Variants in WASF3 observed in about 807,000 individuals in gnomAD.
WASF3 encodes the protein WASP family member 3.
A neutral mutation model predicts 46.6 loss-of-function variants in WASF3; 11 were observed. The ratio of observed to expected loss-of-function variants is 0.24; its 90% CI spans 0.15 to 0.39. The LOEUF (loss-of-function observed/expected upper bound fraction) is 0.39. Ranked by LOEUF, WASF3 falls within the 10% of genes least tolerant of loss-of-function variation. WASF3 has a pLI of 1.00. For missense variants in WASF3, 576 were observed against 669.8 expected (o/e 0.86, Z 1.55); for synonymous variants, 242 against 259.7 (o/e 0.93, Z 0.65).
intron 3 of WASF3, among the ~76,000 whole-genome samples, chr13:26,661,627 A>G (rs917630940): frequency 1.3e-5 from 2 of 152,172 alleles, no homozygotes; most frequent in Non-Finnish European, 2.9e-5. Context: ...CTTTACGGGT[A>G]TATACTCAAG....
At chr13:26,578,826 TATCATTTAA>T (rs1879880555) in intron 1 of WASF3, among the ~76,000 whole-genome samples, 1 of 152,108 alleles carries the variant, frequency 6.6e-6, no homozygotes, top group Admixed American at 6.5e-5. Flanking sequence ...TTGTTCTTGA[TATCATTTAA>T]CATCTTTTCT....
At chr13:26,584,409 G>A (rs555249317) in intron 1 of WASF3, among the ~76,000 whole-genome samples, 1 of 152,326 alleles carries the variant, frequency 6.6e-6, no homozygotes, top group Non-Finnish European at 1.5e-5. Flanking sequence ...CCAGTGCTAT[G>A]CAGTGAACAC....
chr13:26,685,612 A>G, intron 9 of WASF3, 76 bp from the exon 10 acceptor site: 1 of 1,564,168 alleles, frequency 6.4e-7, no homozygotes, highest in Non-Finnish European at 8.7e-7. Context: ...AAAGTCCAAT[A>G]GACATATTTG....
chr13:26,661,585 G>A (rs1882632160), intron 3 of WASF3, among the ~76,000 whole-genome samples: 1 of 152,162 alleles, frequency 6.6e-6, no homozygotes, highest in South Asian at 2.1e-4. Flanking sequence ...ACATAGGTAT[G>A]CAAATGTCTC....
At chr13:26,658,999 T>C (rs1012623939) in intron 3 of WASF3, among the ~76,000 whole-genome samples, 3 of 152,378 alleles carry the variant, frequency 2.0e-5, no homozygotes, top group South Asian at 4.1e-4. Flanking sequence ...CTTGTCTTTG[T>C]GGATCATATG....
At chr13:26,581,042 C>G (rs1213334409) in intron 1 of WASF3, among the ~76,000 whole-genome samples, 1 of 150,114 alleles carries the variant, frequency 6.7e-6, no homozygotes, top group African/African-American at 2.5e-5. Context: ...TTGATCCCCC[C>G]ACCTCAGCCT....
intron 1 of WASF3, among the ~76,000 whole-genome samples, chr13:26,580,852 C>T (rs368647393): frequency 2.8e-4 from 42 of 151,424 alleles, no homozygotes; most frequent in African/African-American, 7.0e-4. Context: ...CTCGAGCTCC[C>T]GACCTCAGGT....
intron 2 of WASF3, among the ~76,000 whole-genome samples, chr13:26,613,672 A>G (rs1039166248): frequency 6.6e-6 from 1 of 152,158 alleles, no homozygotes; most frequent in Non-Finnish European, 1.5e-5. Context: ...TGGGAGGCTG[A>G]GGCCCGAGAA....
At chr13:26,653,838 G>C (rs1173361016) in intron 3 of WASF3, among the ~76,000 whole-genome samples, 1 of 152,114 alleles carries the variant, frequency 6.6e-6, no homozygotes, top group African/African-American at 2.4e-5. Flanking sequence ...TGTCCACTCG[G>C]TGTCTTCACT....
upstream of WASF3, among the ~76,000 whole-genome samples, chr13:26,554,103 C>CT (rs1277899521): frequency 2.7e-5 from 3 of 110,036 alleles, no homozygotes; most frequent in Non-Finnish European, 5.3e-5. Context: ...TTCCTTCTTT[C>CT]TTTCTTTCTT....
At chr13:26,559,759 C>G (rs542156020) in intron 1 of WASF3, among the ~76,000 whole-genome samples, 1 of 146,414 alleles carries the variant, frequency 6.8e-6, no homozygotes, top group African/African-American at 2.5e-5. Context: ...CTCTCCATTG[C>G]TGTAGACCTT....
chr13:26,546,954 C>T, the WASF3 span, among the ~76,000 whole-genome samples: 1 of 152,132 alleles, frequency 6.6e-6, no homozygotes, highest in Non-Finnish European at 1.5e-5. Context: ...CAGATCTCCC[C>T]AGATCTCTAC....
chr13:26,642,423 A>G lies in WASF3; in HGVS notation c.133+20A>G, dbSNP rs370547480. ...GTCTGAGTAAGCCATCTTTTTTCTG[A>G]TTACCAATGACATTAACTTTTTGTT... On this transcript the variant is annotated intron_variant, in intron 3 of 9. Coordinates refer to ENST00000335327, the MANE Select transcript of WASF3 (RefSeq NM_006646.6). 21 of 1,569,698 alleles carry G rather than the reference A, an allele frequency of 1.3e-5. No individual in the cohort carries two copies. In the African/African-American group the frequency reaches 2.8e-4, roughly 21 times the overall value.
At chr13:26,590,177 C>T (rs1433569128) in intron 1 of WASF3, among the ~76,000 whole-genome samples, 7 of 152,122 alleles carry the variant, frequency 4.6e-5, no homozygotes, top group Admixed American at 2.6e-4. Context: ...CATTTCCCAT[C>T]GCGCTAATTT....
chr13:26,635,780 C>T (rs1272797934), intron 2 of WASF3, among the ~76,000 whole-genome samples: 1 of 152,224 alleles, frequency 6.6e-6, no homozygotes, highest in Non-Finnish European at 1.5e-5. Context: ...TTTGCTGGCA[C>T]TCCACTCCAG....
chr13:26,612,907 A>G (rs1205740186), intron 1 of WASF3, 54 bp from the exon 2 acceptor site: 1 of 152,162 alleles, frequency 6.6e-6, no homozygotes, highest in African/African-American at 2.4e-5. Flanking sequence ...ACTTTCTTGA[A>G]GACTTGAATG....
intron 1 of WASF3, among the ~76,000 whole-genome samples, chr13:26,583,042 T>C (rs1322039311): frequency 2.0e-5 from 3 of 152,066 alleles, no homozygotes; most frequent in African/African-American, 7.2e-5. Flanking sequence ...AATGCTAAAG[T>C]GGTAATTTGA....
At chr13:26,621,111 A>G (rs1475014272) in intron 2 of WASF3, among the ~76,000 whole-genome samples, 1 of 152,064 alleles carries the variant, frequency 6.6e-6, no homozygotes, top group Non-Finnish European at 1.5e-5. Flanking sequence ...GTCATCTCCC[A>G]TTCCCCACTG....
intron 2 of WASF3, among the ~76,000 whole-genome samples, chr13:26,614,413 T>C (rs952226216): frequency 6.6e-6 from 1 of 152,152 alleles, no homozygotes; most frequent in Non-Finnish European, 1.5e-5. Flanking sequence ...TGAAAATCCA[T>C]GGTTAAAGAG....
Sources: allele counts gnomAD v4.1 joint callset (sites outside exome capture counted in the v4.1 genomes callset), GRCh38; gene constraint gnomAD v4.1.1; transcripts MANE v1.5; gene names NCBI Gene and HGNC (gene_info 2026-07-23, HGNC 2026-07-21).